The following PGD variants were observed in gnomAD, a reference collection of about 807,000 sequenced individuals.
The protein encoded by PGD is phosphogluconate dehydrogenase.
Under a neutral mutation model 60.4 loss-of-function variants are expected in PGD, and 21 were observed. The observed-to-expected ratio is 0.35, with a 90% CI of 0.25 to 0.50. The LOEUF is 0.50. Ranked by LOEUF, PGD falls within the 20% of genes least tolerant of loss-of-function variation. PGD has a pLI of 0.98. For missense variants in PGD, 477 were observed against 613.1 expected, an observed-to-expected ratio of 0.78 and a Z score of 2.34; for synonymous variants, 230 against 235.9, an observed-to-expected ratio of 0.97 and a Z score of 0.23.
At chr1:10,417,580 A>C (rs991963348) in intron 10 of PGD, 71 bp downstream of exon 10, 1 of 1,491,980 alleles carries the variant, frequency 6.7e-7, no homozygotes, top group East Asian at 2.3e-5. Flanking sequence ...ATCTTAGGAC[A>C]CTTAGCTTGA....
chr1:10,408,222 G>C (rs1468562848), intron 6 of PGD, 82 bp downstream of exon 6: 1 of 808,620 alleles, frequency 1.2e-6, no homozygotes, highest in Non-Finnish European at 2.2e-6. Context: ...AGGCCACCGT[G>C]GTCTCCCAGG....
intron 1 of PGD, 58 bp downstream of exon 1, chr1:10,399,183 G>A: frequency 1.9e-6 from 3 of 1,589,828 alleles, no homozygotes; most frequent in Non-Finnish European, 2.6e-6. Context: ...AACTCTTTGG[G>A]GGTCGAGATC....
intron 5 of PGD, among the ~76,000 whole-genome samples, chr1:10,404,481 T>A (rs892638425): frequency 1.3e-5 from 2 of 152,114 alleles, no homozygotes; most frequent in Non-Finnish European, 2.9e-5. Flanking sequence ...TTTTTTCTTC[T>A]GTTATTTCTA....
intron 5 of PGD, 120 bp downstream of exon 5, chr1:10,404,399 G>A (rs1639366186): frequency 1.9e-6 from 1 of 513,992 alleles, no homozygotes; most frequent in Non-Finnish European, 3.4e-6. Context: ...ACAGCTGGGA[G>A]ATGCTGGCAA....
intron 1 of PGD, 112 bp from the exon 2 acceptor site, chr1:10,399,517 G>A (rs2102383100): frequency 1.0e-6 from 1 of 959,800 alleles, no homozygotes; most frequent in African/African-American, 1.6e-5. Flanking sequence ...CGGGAGGCGC[G>A]GAGGAAAGTG....
chr1:10,416,813 T>C (rs1282191979), intron 8 of PGD, among the ~76,000 whole-genome samples, 174 bp from the exon 9 acceptor site: 3 of 152,126 alleles, frequency 2.0e-5, no homozygotes, highest in Non-Finnish European at 4.4e-5. Context: ...CAAATCACAA[T>C]GGTGGAATGT....
chr1:10,401,645 A>G (rs1639317944), intron 3 of PGD, among the ~76,000 whole-genome samples: 1 of 152,242 alleles, frequency 6.6e-6, no homozygotes, highest in African/African-American at 2.4e-5. Context: ...AAACTGAAAA[A>G]TGGTGGATTA....
At chr1:10,405,096 C>A (rs557575952) in intron 5 of PGD, among the ~76,000 whole-genome samples, 2 of 151,998 alleles carry the variant, frequency 1.3e-5, no homozygotes, top group African/African-American at 4.8e-5. Context: ...ATAAATTGGC[C>A]GGGCGTGGTG....
At chr1:10,409,320 G>A (rs1383778829) in intron 6 of PGD, among the ~76,000 whole-genome samples, 1 of 152,144 alleles carries the variant, frequency 6.6e-6, no homozygotes, top group Non-Finnish European at 1.5e-5. Context: ...TTCACCAGTG[G>A]TTGGCCATTG....
chr1:10,414,589 C>A (rs1639562836), intron 8 of PGD, among the ~76,000 whole-genome samples: 1 of 151,764 alleles, frequency 6.6e-6, no homozygotes. Context: ...ATTGGTCAGG[C>A]TGGTCTCGAA....
At chr1:10,417,831 T>C (rs1225671261) in intron 10 of PGD, among the ~76,000 whole-genome samples, 1 of 152,120 alleles carries the variant, frequency 6.6e-6, no homozygotes, top group African/African-American at 2.4e-5. Flanking sequence ...TGCCTCAGCG[T>C]CCTAAGTAAC....
chr1:10,418,007 C>T (rs1032750266), intron 10 of PGD, among the ~76,000 whole-genome samples: 2 of 152,198 alleles, frequency 1.3e-5, no homozygotes, highest in Non-Finnish European at 2.9e-5. Flanking sequence ...CCACTGCGCC[C>T]GGCTCCGCAT....
At chr1:10,415,131 TTTTTCCTG>T (rs1483664664) in intron 8 of PGD, among the ~76,000 whole-genome samples, 2 of 151,758 alleles carry the variant, frequency 1.3e-5, no homozygotes, top group African/African-American at 4.8e-5. Flanking sequence ...TAAAACAGAA[TTTTTCCTG>T]TTTGCTCCTC....
In PGD at chr1:10,413,209, G is replaced by A. The variant is rs11547610; in HGVS notation, c.802G>A (p.Ala268Thr). The A allele has an allele frequency of 6.2e-6, 10 of 1,614,144 alleles. No homozygotes were observed. Among genetic ancestry groups the A allele is most frequent in the African/African-American group, 4.0e-5 (3 of 75,046 alleles). Residue 268 changes from alanine (A) to threonine (T), a missense_variant, in exon 8 of 13, where the codon GCC becomes ACC. This residue lies in a region of PGD where 431 missense variants were observed against 556.6 expected (regional missense o/e 0.77). Transcript: ENST00000270776. The part of the protein sequence containing the change: ...AGQKGTGKWT[A>T]ISALEYGVPV... Reference sequence around the variant, plus strand: ...GCAGAAGGGCACAGGGAAGTGGACCGCCATCTCCGCCCTGGAATACGGCGT... The same window carrying A: ...GCAGAAGGGCACAGGGAAGTGGACCACCATCTCCGCCCTGGAATACGGCGT...
chr1:10,413,136 A>G lies in PGD; in HGVS notation c.729A>G (p.Gln243=), dbSNP rs779962992. 6 of 1,614,080 alleles carry G rather than the reference A, an allele frequency of 3.7e-6. No individual in the cohort carries two copies. The African/African-American group carries it at 4.0e-5, about 11-fold the overall frequency. The change falls in exon 8 of 13, where the codon CAA becomes CAG. Residue 243 remains glutamine (Q), a synonymous_variant. Transcript: ENST00000270776. Reference sequence around the variant, plus strand: ...TCACAGCCAATATTCTCAAGTTCCAAGACACCGATGGCAAACACCTGCTGC... The same window carrying G: ...TCACAGCCAATATTCTCAAGTTCCAGGACACCGATGGCAAACACCTGCTGC... The part of the protein sequence containing the change: ...IEITANILKF[Q]DTDGKHLLPK...
chr1:10,409,649 CTTTTTT>C (rs543426528), intron 6 of PGD, among the ~76,000 whole-genome samples: 12 of 75,412 alleles, frequency 1.6e-4, no homozygotes, highest in Admixed American at 9.0e-4. Context: ...GTGGTAGCAA[CTTTTTT>C]TTTTTTTTTT....
intron 8 of PGD, among the ~76,000 whole-genome samples, chr1:10,414,818 C>T (rs1013067446): frequency 2.6e-5 from 4 of 151,596 alleles, no homozygotes; most frequent in South Asian, 2.1e-4. Context: ...TTGGGCCAGG[C>T]GCGGTGGCTC....
At chr1:10,410,410 C>A (rs781750861) in intron 6 of PGD, among the ~76,000 whole-genome samples, 1 of 151,872 alleles carries the variant, frequency 6.6e-6, no homozygotes, top group East Asian at 1.9e-4. Flanking sequence ...CCGCTGCACT[C>A]CAGCCTGGGC....
Position 10,420,389 on chromosome 1 carries a change from C to CTTTTTTTTTTTT in PGD, c.*653_*664dup, listed in dbSNP as rs70997229. On this transcript the variant is annotated 3_prime_UTR_variant, in exon 13 of 13. Transcript: ENST00000270776. The stretch of plus-strand genomic sequence containing the variant: ...CACTGTAACGTGCTTTTTCTTTCGT[C>CTTTTTTTTTTTT]TTTTTTTTTTTTTTTTTTTTTTTTG... Among the ~76,000 whole-genome samples, 5 of 75,056 alleles carry CTTTTTTTTTTTT rather than the reference C, an allele frequency of 6.7e-5. No homozygotes were observed. The highest frequency in any genetic ancestry group is 1.6e-4 in the Admixed American group (1 of 6,432). The allele number at this position is 75,056 out of a possible 152,430, so 49.2% of individuals were successfully genotyped here.
Sources: gnomAD v4.1 joint callset for allele counts (sites outside exome capture counted in the v4.1 genomes callset) on GRCh38, gnomAD v4.1.1 for gene constraint, gnomAD v4.1.1 regional missense constraint, MANE v1.5 for transcripts, NCBI Gene and HGNC (gene_info 2026-07-23, HGNC 2026-07-21) for gene names.